PPARGC1A: variants seen among roughly 807,000 people sequenced by gnomAD.
PPARGC1A encodes peroxisome proliferator-activated receptor gamma coactivator 1-alpha.
PPARGC1A carries 25 observed loss-of-function variants against 88.7 expected under a neutral mutation model. The observed-to-expected ratio is 0.28, with a 90% CI of 0.21 to 0.39. The LOEUF is 0.39. Among genes scored for constraint, PPARGC1A ranks in the 10% least tolerant of loss-of-function variants. The probability of loss-of-function intolerance (pLI) is 1.00; values close to 1 mark genes in which losing one functional copy is unlikely to be tolerated. For synonymous variants in PPARGC1A, 363 were observed against 355.6 expected, an observed-to-expected ratio of 1.02 and a Z score of -0.24; for missense variants, 880 against 968.7, an observed-to-expected ratio of 0.91 and a Z score of 1.22.
chr4:24,175,967 A>T, the PPARGC1A span, among the ~76,000 whole-genome samples: 1 of 151,966 alleles, frequency 6.6e-6, no homozygotes, highest in Non-Finnish European at 1.5e-5. Context: ...CCCATCCTCA[A>T]ATGCAAACTC....
the PPARGC1A span, among the ~76,000 whole-genome samples, chr4:24,093,437 C>T: frequency 1.3e-5 from 2 of 152,206 alleles, no homozygotes; most frequent in African/African-American, 2.4e-5. Flanking sequence ...TACCTTCCAC[C>T]TCATCTCTAG....
the PPARGC1A span, among the ~76,000 whole-genome samples, chr4:24,018,048 T>C: frequency 6.6e-6 from 1 of 152,192 alleles, no homozygotes; most frequent in African/African-American, 2.4e-5. Context: ...GGTCAAGTTA[T>C]AGCATCATAA....
chr4:24,067,368 A>T, the PPARGC1A span, among the ~76,000 whole-genome samples: 3 of 152,198 alleles, frequency 2.0e-5, no homozygotes, highest in African/African-American at 7.2e-5. Context: ...ATGCTTTATA[A>T]AAACAGATAA....
chr4:24,235,556 T>C, the PPARGC1A span, among the ~76,000 whole-genome samples: 8 of 152,328 alleles, frequency 5.3e-5, no homozygotes, highest in South Asian at 1.4e-3. Flanking sequence ...TTGCATTTTA[T>C]GCAATGTCTT....
the PPARGC1A span, among the ~76,000 whole-genome samples, chr4:23,980,185 C>CA: frequency 0.019 from 1,704 of 89,360 alleles, 28 homozygotes; most frequent in African/African-American, 0.042. Flanking sequence ...TCCCAGCCAG[C>CA]AAAAAAAAAA....
the PPARGC1A span, among the ~76,000 whole-genome samples, chr4:24,425,353 T>G: frequency 1.5e-4 from 23 of 152,334 alleles, no homozygotes; most frequent in African/African-American, 4.6e-4. Context: ...GAATCATATA[T>G]TTATAAAACT....
At chr4:24,038,975 T>C in the PPARGC1A span, among the ~76,000 whole-genome samples, 1 of 152,190 alleles carries the variant, frequency 6.6e-6, no homozygotes, top group East Asian at 1.9e-4. Flanking sequence ...AGTGAGGTCT[T>C]GTCTTACACA....
the PPARGC1A span, among the ~76,000 whole-genome samples, chr4:24,218,473 C>T: frequency 4.6e-5 from 7 of 152,310 alleles, no homozygotes; most frequent in South Asian, 6.2e-4. Context: ...CGAGGAAAGA[C>T]GGAGGTAGCT....
chr4:23,964,286 C>T, the PPARGC1A span, among the ~76,000 whole-genome samples: 8 of 152,324 alleles, frequency 5.3e-5, no homozygotes, highest in South Asian at 1.7e-3. Flanking sequence ...TCAAACCCAA[C>T]ACTTTGTCTT....
chr4:23,877,362 A>T (rs1196298381), intron 2 of PPARGC1A, among the ~76,000 whole-genome samples: 1 of 6,204 alleles, frequency 1.6e-4, no homozygotes, highest in Non-Finnish European at 4.2e-4. Context: ...TAAAAATACA[A>T]AAAAAAAAAA....
chr4:23,952,544 C>T, the PPARGC1A span, among the ~76,000 whole-genome samples: 2 of 152,100 alleles, frequency 1.3e-5, no homozygotes, highest in East Asian at 3.9e-4. Flanking sequence ...TTCTCATAGG[C>T]TAAGGTAATG....
the PPARGC1A span, among the ~76,000 whole-genome samples, chr4:24,022,378 A>G: frequency 1.4e-4 from 21 of 151,584 alleles, no homozygotes; most frequent in African/African-American, 5.1e-4. Context: ...CTCTTTTCCC[A>G]TAGCGCTCAC....
the PPARGC1A span, among the ~76,000 whole-genome samples, chr4:23,996,212 T>G: frequency 6.6e-6 from 1 of 152,170 alleles, no homozygotes; most frequent in Non-Finnish European, 1.5e-5. Context: ...TCCTATGTTT[T>G]GTCACCTAAC....
At chr4:24,338,371 A>G in the PPARGC1A span, among the ~76,000 whole-genome samples, 1 of 152,218 alleles carries the variant, frequency 6.6e-6, no homozygotes, top group Non-Finnish European at 1.5e-5. Flanking sequence ...TCATTTCCTC[A>G]GAGCACACAA....
At chr4:23,901,164 G>A (rs564336039), upstream of PPARGC1A, among the ~76,000 whole-genome samples, 2 of 152,176 alleles carry the variant, frequency 1.3e-5, no homozygotes, top group East Asian at 1.9e-4. Flanking sequence ...TCAGGAGATC[G>A]AGACCATCCT....
intron 2 of PPARGC1A, among the ~76,000 whole-genome samples, chr4:23,855,492 T>C (rs1010978102): frequency 6.6e-6 from 1 of 152,242 alleles, no homozygotes. Context: ...AAGGACCTAC[T>C]ATGCTCGATG....
the PPARGC1A span, among the ~76,000 whole-genome samples, chr4:24,317,462 C>T: frequency 6.9e-6 from 1 of 145,914 alleles, no homozygotes; most frequent in Admixed American, 7.2e-5. Flanking sequence ...CTCCTACTTG[C>T]TTTAGGGACT....
At chr4:24,349,764 C>T in the PPARGC1A span, among the ~76,000 whole-genome samples, 1 of 152,206 alleles carries the variant, frequency 6.6e-6, no homozygotes, top group Non-Finnish European at 1.5e-5. Flanking sequence ...AGTTCTTCCC[C>T]GTCCTGTGAA....
At chr4:24,045,451 G>A in the PPARGC1A span, among the ~76,000 whole-genome samples, 8 of 152,052 alleles carry the variant, frequency 5.3e-5, no homozygotes, top group African/African-American at 1.9e-4. Context: ...AGTTATAGAG[G>A]CTAAAAGTCC....
Sources: allele counts gnomAD v4.1 joint callset (sites outside exome capture counted in the v4.1 genomes callset), GRCh38; gene constraint gnomAD v4.1.1; transcripts MANE v1.5; gene names NCBI Gene and HGNC (gene_info 2026-07-23, HGNC 2026-07-21).